DPYD: variants seen among roughly 807,000 people sequenced by gnomAD.
The protein encoded by DPYD is dihydropyrimidine dehydrogenase [NADP(+)].
DPYD carries 109 observed loss-of-function variants against 116.2 expected under a neutral mutation model. The observed-to-expected ratio is 0.94, with a 90% CI of 0.80 to 1.10. The LOEUF (loss-of-function observed/expected upper bound fraction) is 1.10, where lower values mean the gene tolerates loss of function less well. Ranked by LOEUF, DPYD falls within the 50% of genes least tolerant of loss-of-function variation. The pLI, the probability that DPYD is intolerant of heterozygous loss-of-function variation, is 0.00. For missense variants in DPYD, 1,302 were observed against 1,254.5 expected (o/e 1.04, Z -0.57); for synonymous variants, 440 against 432.0 (o/e 1.02, Z -0.23).
At chr1:97,338,145 C>A (rs1669398318) in intron 16 of DPYD, among the ~76,000 whole-genome samples, 6 of 152,064 alleles carry the variant, frequency 3.9e-5, no homozygotes, top group Admixed American at 3.3e-4. Context: ...CACTTTAACC[C>A]CACAGCTATT....
intron 11 of DPYD, among the ~76,000 whole-genome samples, chr1:97,552,196 A>G (rs2102095724): frequency 6.6e-6 from 1 of 152,248 alleles, no homozygotes; most frequent in Middle Eastern, 3.4e-3. Context: ...CTTTTCTTAA[A>G]GAAGAGCTCT....
chr1:97,278,123 T>C (rs1665074120), intron 18 of DPYD, among the ~76,000 whole-genome samples: 1 of 152,214 alleles, frequency 6.6e-6, no homozygotes, highest in Admixed American at 6.5e-5. Flanking sequence ...TTCCAGGAAA[T>C]GCAAAGATTA....
At chr1:97,653,408 G>A (rs1357236766) in intron 8 of DPYD, among the ~76,000 whole-genome samples, 1 of 151,338 alleles carries the variant, frequency 6.6e-6, no homozygotes, top group South Asian at 2.1e-4. Flanking sequence ...GGGTTCAAGC[G>A]ATTCTCCTGC....
intron 20 of DPYD, among the ~76,000 whole-genome samples, chr1:97,119,164 A>T (rs1221959140): frequency 6.6e-6 from 1 of 152,230 alleles, no homozygotes; most frequent in African/African-American, 2.4e-5. Context: ...AAAAAAAGCC[A>T]TATGGCAGTG....
intron 1 of DPYD, among the ~76,000 whole-genome samples, chr1:97,902,953 T>G (rs1375216837): frequency 1.3e-5 from 2 of 151,870 alleles, no homozygotes; most frequent in Non-Finnish European, 2.9e-5. Flanking sequence ...TAAACCTTCC[T>G]AACACTTAGA....
At chr1:97,602,655 T>A (rs1655331733) in intron 8 of DPYD, among the ~76,000 whole-genome samples, 1 of 151,954 alleles carries the variant, frequency 6.6e-6, no homozygotes, top group Non-Finnish European at 1.5e-5. Flanking sequence ...TGGCTTTCTT[T>A]ATGGAGATGG....
At chr1:97,362,037 T>C (rs1438181179) in intron 16 of DPYD, among the ~76,000 whole-genome samples, 1 of 152,222 alleles carries the variant, frequency 6.6e-6, no homozygotes, top group East Asian at 1.9e-4. Context: ...GATGACATGA[T>C]TGTATATTTA....
chr1:97,581,174 A>G (rs900014964), intron 10 of DPYD, among the ~76,000 whole-genome samples: 5 of 151,090 alleles, frequency 3.3e-5, no homozygotes, highest in African/African-American at 1.2e-4. Flanking sequence ...CAACAACAAC[A>G]AAAATTAGCT....
At chr1:97,887,984 C>G (rs1019546216) in intron 1 of DPYD, among the ~76,000 whole-genome samples, 2 of 152,020 alleles carry the variant, frequency 1.3e-5, no homozygotes, top group Admixed American at 6.6e-5. Context: ...CACGCCTCCC[C>G]AGACATGCAC....
chr1:97,483,808 TAAGGACACAGAAAG>T (rs1678457514), intron 13 of DPYD, among the ~76,000 whole-genome samples: 5 of 151,986 alleles, frequency 3.3e-5, no homozygotes. Flanking sequence ...TTCTGCCATA[TAAGGACACAGAAAG>T]AAGGCCCTCA....
At chr1:97,691,384 C>T in intron 7 of DPYD, 1 of 225,762 alleles carries the variant, frequency 4.4e-6, no homozygotes. Context: ...TCAGAGTGCA[C>T]ACAACTTGCA....
At chr1:97,477,279 T>C (rs2101869910) in intron 13 of DPYD, among the ~76,000 whole-genome samples, 1 of 152,334 alleles carries the variant, frequency 6.6e-6, no homozygotes, top group Non-Finnish European at 1.5e-5. Flanking sequence ...TAAACTACTT[T>C]CTTTGCTCAT....
intron 3 of DPYD, among the ~76,000 whole-genome samples, chr1:97,791,862 C>T (rs567007301): frequency 6.6e-6 from 1 of 151,436 alleles, no homozygotes; most frequent in South Asian, 2.1e-4. Flanking sequence ...TAGGAAAAGA[C>T]AAAGAAGTAG....
intron 11 of DPYD, among the ~76,000 whole-genome samples, chr1:97,562,273 T>C (rs753948762): frequency 6.6e-6 from 1 of 152,198 alleles, no homozygotes; most frequent in Non-Finnish European, 1.5e-5. Flanking sequence ...AGACTGGTGA[T>C]GTAAAGTTCA....
Position 97,559,186 on chromosome 1 carries a change from A to G in DPYD, c.1340-9442T>C, listed in dbSNP as rs1203958883. 2.6e-5 allele frequency among the ~76,000 whole-genome samples: 4 copies of G among 152,284 alleles called. No individual in the cohort carries two copies. In the East Asian group the frequency reaches 7.7e-4, roughly 29 times the overall value. On this transcript the variant is annotated intron_variant, in intron 11 of 22. Transcript: ENST00000370192. ...ACTTCTCAGCAAACAAAATTTTTTA[A>G]ATGCTCAATTATGTCATCAAATGAT... is the stretch of plus-strand genomic sequence containing the variant.
At chr1:97,207,756 A>G (rs1659742725) in intron 19 of DPYD, among the ~76,000 whole-genome samples, 1 of 152,234 alleles carries the variant, frequency 6.6e-6, no homozygotes, top group South Asian at 2.1e-4. Flanking sequence ...AAGGTCTTCT[A>G]TCTTGTTTTG....
intron 18 of DPYD, among the ~76,000 whole-genome samples, chr1:97,304,988 A>G (rs1169187019): frequency 2.0e-5 from 3 of 151,934 alleles, no homozygotes; most frequent in Non-Finnish European, 1.5e-5. Context: ...AGTAAGTGGC[A>G]AAAGAACTGA....
chr1:97,229,570 ATATATATATATATATAT>A (rs1557956304), intron 19 of DPYD, among the ~76,000 whole-genome samples: 50 of 133,118 alleles, frequency 3.8e-4, no homozygotes, highest in Middle Eastern at 3.9e-3. Flanking sequence ...ATATATATAT[ATATATATATATATATAT>A]ATACTGATTT....
chr1:97,659,689 T>C (rs1659141874), intron 8 of DPYD, among the ~76,000 whole-genome samples: 1 of 152,182 alleles, frequency 6.6e-6, no homozygotes, highest in East Asian at 1.9e-4. Context: ...ATTTTATTCA[T>C]GTAATGCTGT....
Sources: allele counts gnomAD v4.1 joint callset (sites outside exome capture counted in the v4.1 genomes callset), GRCh38; gene constraint gnomAD v4.1.1; transcripts MANE v1.5; gene names NCBI Gene and HGNC (gene_info 2026-07-23, HGNC 2026-07-21).